Variants in LINS1 observed in about 807,000 individuals in gnomAD.
LINS1 encodes lines homolog 1.
LINS1 carries 27 observed loss-of-function variants against 41.6 expected under a neutral mutation model. The observed-to-expected ratio is 0.65, with a 90% CI of 0.48 to 0.89. The LOEUF (loss-of-function observed/expected upper bound fraction) is 0.89. LINS1 is among the 40% of genes least tolerant of loss of function. LINS1 has a pLI of 0.00. For missense variants in LINS1, 955 were observed against 884.1 expected (o/e 1.08, Z -1.02); for synonymous variants, 336 against 312.9 (o/e 1.07, Z -0.78).
intron 1 of LINS1, among the ~76,000 whole-genome samples, chr15:100,595,353 A>G: frequency 6.6e-6 from 1 of 151,844 alleles, no homozygotes; most frequent in East Asian, 1.9e-4. Context: ...AAAAAAATTC[A>G]ATTACAAAAT....
rs750119983 is a variant in LINS1, at chr15:100,573,814, C to T, written c.1059G>A (p.Leu353=). The change falls in exon 5 of 7, where the codon CTG becomes CTA. Residue 353 remains leucine (L), a synonymous_variant. Coordinates refer to ENST00000314742, the MANE Select transcript of LINS1 (RefSeq NM_001040616.3). The part of the protein sequence containing the change: ...QAVNSGLLKT[L]SVYEKHSFFG... Reference sequence around the variant, plus strand: ...AAAAGGAATGTTTTTCATAAACAGACAGTGTCTTCAACAACCCCGAATTCA... The same window carrying T: ...AAAAGGAATGTTTTTCATAAACAGATAGTGTCTTCAACAACCCCGAATTCA... 1.2e-6 allele frequency: 2 copies of T among 1,614,206 alleles called. No individual in the cohort carries two copies. Among genetic ancestry groups the T allele is most frequent in the East Asian group, 4.5e-5 (2 of 44,882 alleles).
In LINS1 at chr15:100,569,801, G is replaced by A; in HGVS notation, c.1711C>T (p.Gln571Ter). ...PSLVQDQSSN[Q>*]TIPHRLTAPH... ...GCAGTCAAACGATGGGGTATTGTTT[G>A]GTTGGAGCTTTGGTCTTGGACAAGT... The change falls in exon 7 of 7, where the codon CAA becomes TAA. Residue 571 changes from glutamine (Q) to a stop codon, truncating the protein, a stop_gained. Coordinates refer to ENST00000314742, the MANE Select transcript of LINS1 (RefSeq NM_001040616.3). LOFTEE classifies it low-confidence loss of function (END_TRUNC). 6.2e-7 allele frequency: 1 copy of A among 1,614,116 alleles called. No homozygotes were observed. The highest frequency in any genetic ancestry group is 8.5e-7 in the Non-Finnish European group (1 of 1,180,020).
intron 1 of LINS1, among the ~76,000 whole-genome samples, chr15:100,588,300 A>C (rs1240957373): frequency 6.6e-6 from 1 of 152,166 alleles, no homozygotes; most frequent in Non-Finnish European, 1.5e-5. Flanking sequence ...CTCTTTTCAC[A>C]ATGGTGGCCT....
Position 100,572,065 on chromosome 15 carries a change from A to G in LINS1, c.1223T>C (p.Val408Ala). ...QNYSSASEVK[V>A]DLQRFMSELL... ...CTCAGACATGAACCTCTGTAAGTCA[A>G]CTTCAAAAAATGAAAATTTCAAAGT... Residue 408 changes from valine to alanine, a missense_variant and splice_region_variant, in exon 6 of 7, where the codon GTT becomes GCT. Physicochemically the swap from Val to Ala is moderately conservative, Grantham distance 64 (BLOSUM62 0). Transcript: ENST00000314742. 1.2e-6 allele frequency: 2 copies of G among 1,614,202 alleles called. No individual in the cohort carries two copies. Among genetic ancestry groups the G allele is most frequent in the East Asian group, 2.2e-5 (1 of 44,890 alleles).
Position 100,580,911 on chromosome 15 carries a change from T to G in LINS1, c.-69A>C, listed in dbSNP as rs571058391. ...AGTTGTAAACATTAAATCTCAGAAG[T>G]GCAATGAATCTCTAAGAAGTTTCTT... On this transcript the variant is annotated 5_prime_UTR_variant, in exon 2 of 7. Transcript: ENST00000314742. The G allele has an allele frequency of 2.0e-5, 28 of 1,407,326 alleles. No individual in the cohort carries two copies. In the East Asian group the frequency reaches 3.8e-4, roughly 19 times the overall value. 87.2% of individuals were successfully genotyped at this position (1,407,326 alleles called of 1,614,324 possible). A position where few individuals can be genotyped will look rare whatever the true frequency, so the allele number is the denominator to read the frequency against.
Position 100,571,890 on chromosome 15 carries a change from T to C in LINS1, c.1394+4A>G, listed in dbSNP as rs200846434. 279 of 1,614,030 alleles carry C rather than the reference T, an allele frequency of 1.7e-4. No individual in the cohort carries two copies. Among genetic ancestry groups the C allele is most frequent in the Non-Finnish European group, 1.8e-4 (212 of 1,180,008 alleles). On this transcript the variant is annotated splice_donor_region_variant and intron_variant, in intron 6 of 6. Coordinates refer to ENST00000314742, the MANE Select transcript of LINS1 (RefSeq NM_001040616.3). Reference sequence around the variant, plus strand: ...GTTCAATAATTACTTTAAAATACACTAACCTGGTCAGTGTTAAGTAGATGC... The same window carrying C: ...GTTCAATAATTACTTTAAAATACACCAACCTGGTCAGTGTTAAGTAGATGC...
At chr15:100,582,661 C>A (rs917501193) in intron 1 of LINS1, among the ~76,000 whole-genome samples, 1 of 149,286 alleles carries the variant, frequency 6.7e-6, no homozygotes, top group East Asian at 2.0e-4. Context: ...CTATGGCCCA[C>A]TAGCCTAGTC....
At chr15:100,575,238 T>C (rs2038095853) in intron 3 of LINS1, 110 bp from the exon 4 acceptor site, 2 of 906,144 alleles carry the variant, frequency 2.2e-6, no homozygotes, top group Admixed American at 2.2e-5. Context: ...TGATAATATG[T>C]GGCACACCGA....
chr15:100,589,157 C>T (rs189121767), intron 1 of LINS1, among the ~76,000 whole-genome samples: 6 of 152,086 alleles, frequency 3.9e-5, no homozygotes, highest in Non-Finnish European at 8.8e-5. Flanking sequence ...ACTGAGACTA[C>T]TGAAGAAACA....
At chr15:100,576,250 A>G (rs995172918) in intron 3 of LINS1, among the ~76,000 whole-genome samples, 1 of 152,234 alleles carries the variant, frequency 6.6e-6, no homozygotes, top group African/African-American at 2.4e-5. Flanking sequence ...GTTTTTTGAA[A>G]AGACCAACAA....
chr15:100,589,773 A>G (rs893349464), intron 1 of LINS1, among the ~76,000 whole-genome samples: 1 of 152,180 alleles, frequency 6.6e-6, no homozygotes, highest in Non-Finnish European at 1.5e-5. Context: ...GATTTTATTC[A>G]ATTATTATTT....
intron 1 of LINS1, among the ~76,000 whole-genome samples, chr15:100,600,790 A>G (rs970004936): frequency 3.9e-5 from 6 of 152,040 alleles, no homozygotes; most frequent in African/African-American, 1.2e-4. Context: ...CTGCACTTCT[A>G]CTCTGGACAA....
At chr15:100,587,588 A>ATT (rs912254848) in intron 1 of LINS1, among the ~76,000 whole-genome samples, 1 of 152,092 alleles carries the variant, frequency 6.6e-6, no homozygotes, top group African/African-American at 2.4e-5. Flanking sequence ...TAAAACCATG[A>ATT]TTTTTTTAAG....
chr15:100,600,721 T>C (rs554569404), intron 1 of LINS1, among the ~76,000 whole-genome samples: 1 of 152,262 alleles, frequency 6.6e-6, no homozygotes, highest in African/African-American at 2.4e-5. Flanking sequence ...TGAAATATGA[T>C]TGCTGGGAAG....
At chr15:100,579,362 C>T (rs1198696200) in intron 3 of LINS1, among the ~76,000 whole-genome samples, 2 of 149,480 alleles carry the variant, frequency 1.3e-5, no homozygotes, top group Admixed American at 6.7e-5. Flanking sequence ...AAGACTGTGG[C>T]CCCTTTACTT....
At chr15:100,588,184 T>A (rs2038892187) in intron 1 of LINS1, among the ~76,000 whole-genome samples, 1 of 152,312 alleles carries the variant, frequency 6.6e-6, no homozygotes, top group South Asian at 2.1e-4. Context: ...TACCCTAGGA[T>A]AAAAAGCGTG....
chr15:100,572,892 A>G, intron 5 of LINS1: 5 of 716,480 alleles, frequency 7.0e-6, no homozygotes, highest in Non-Finnish European at 8.6e-6. Flanking sequence ...TGGAAACACT[A>G]ATTGTATGAA....
intron 5 of LINS1, chr15:100,573,266 G>A (rs896551679): frequency 3.5e-6 from 2 of 565,914 alleles, no homozygotes; most frequent in Non-Finnish European, 4.6e-6. Flanking sequence ...TGGGCCGAAG[G>A]GGGGTCAGGG....
chr15:100,588,242 C>T lies in LINS1; in HGVS notation c.-103-7297G>A, dbSNP rs532066564. On this transcript the variant is annotated intron_variant, in intron 1 of 6. Transcript: ENST00000314742. ...ATTCAAGATGGCCCAGCCAATTGGT[C>T]AGTCATGTCCTTGGGAGCTTGACCT... is the stretch of plus-strand genomic sequence containing the variant. Among the ~76,000 whole-genome samples, 17 of 152,276 alleles carry T rather than the reference C, an allele frequency of 1.1e-4. No homozygotes were observed. The South Asian group carries it at 3.3e-3, about 30-fold the overall frequency.
Sources: allele counts gnomAD v4.1 joint callset (sites outside exome capture counted in the v4.1 genomes callset), GRCh38; gene constraint gnomAD v4.1.1; transcripts MANE v1.5; gene names NCBI Gene and HGNC (gene_info 2026-07-23, HGNC 2026-07-21).